DMD: variants seen among roughly 807,000 people sequenced by gnomAD.
DMD encodes the protein mutant dystrophin.
DMD carries 63 observed loss-of-function variants against 330.1 expected under a neutral mutation model. That is an observed-to-expected ratio of 0.19 (90% CI 0.16 to 0.24). DMD has a LOEUF of 0.24. Among genes scored for constraint, DMD ranks in the 10% least tolerant of loss-of-function variants. The probability of loss-of-function intolerance (pLI) is 1.00; values close to 1 mark genes in which losing one functional copy is unlikely to be tolerated. For synonymous variants in DMD, 1,223 were observed against 959.8 expected (o/e 1.27, Z -5.07); for missense variants, 3,344 against 2,684.1 (o/e 1.25, Z -5.43).
intron 59 of DMD, among the ~76,000 whole-genome samples, chrX:31,453,680 A>T (rs900707623): frequency 9.6e-6 from 1 of 104,690 alleles, no homozygotes; most frequent in African/African-American, 3.5e-5. Context: ...AAACTTGAAC[A>T]AATTTTATTA....
chrX:32,438,769 TG>T (rs1368967421), intron 28 of DMD, among the ~76,000 whole-genome samples: 2 of 111,896 alleles, frequency 1.8e-5, no homozygotes, highest in African/African-American at 6.5e-5. Flanking sequence ...AGAATCCTTT[TG>T]CCCTTCCTAC....
intron 48 of DMD, among the ~76,000 whole-genome samples, chrX:31,871,328 A>T (rs190626418): frequency 1.8e-5 from 2 of 111,212 alleles, no homozygotes; most frequent in East Asian, 2.8e-4. Context: ...AATTGCACAA[A>T]CCAAGCAATG....
At chrX:31,273,880 C>T (rs1395362553) in intron 62 of DMD, among the ~76,000 whole-genome samples, 1 of 111,726 alleles carries the variant, frequency 9.0e-6, no homozygotes, top group Admixed American at 9.5e-5. Context: ...TTTGTTAACT[C>T]ATCTATAGAA....
At chrX:31,993,008 G>C (rs1327942045) in intron 44 of DMD, among the ~76,000 whole-genome samples, 1 of 111,736 alleles carries the variant, frequency 8.9e-6, no homozygotes, top group Non-Finnish European at 1.9e-5. Flanking sequence ...AAGCAGAAGC[G>C]TGGTGGATTA....
At chrX:31,142,831 C>T (rs1183570590) in intron 76 of DMD, among the ~76,000 whole-genome samples, 3 of 111,953 alleles carry the variant, frequency 2.7e-5, no homozygotes, top group Non-Finnish European at 5.6e-5. Flanking sequence ...TTCATTAGCA[C>T]ATTGTCTCAG....
In DMD at chrX:32,329,714, T is replaced by C. The variant is rs771440178; in HGVS notation, c.5922+12386A>G. On this transcript the variant is annotated intron_variant, in intron 41 of 78. Transcript: ENST00000357033. Reference sequence around the variant, plus strand: ...ATAGATAACTGTATTTGTTAGGTAATTCATTTATTTTTCATCACCCAGATA... The same window carrying C: ...ATAGATAACTGTATTTGTTAGGTAACTCATTTATTTTTCATCACCCAGATA... Among the ~76,000 whole-genome samples the C allele has an allele frequency of 7.1e-5, 8 of 112,447 alleles. No homozygotes were observed. The East Asian group carries it at 2.2e-3, about 32-fold the overall frequency.
At chrX:33,184,108 T>TTAA (rs1183295833) in intron 1 of DMD, among the ~76,000 whole-genome samples, 1 of 111,659 alleles carries the variant, frequency 9.0e-6, no homozygotes, top group Admixed American at 9.5e-5. Context: ...ATCCAGAAGG[T>TTAA]TAATATGTCT....
chrX:31,602,001 A>G (rs1333710528), intron 55 of DMD, among the ~76,000 whole-genome samples: 1 of 111,756 alleles, frequency 8.9e-6, no homozygotes, highest in African/African-American at 3.2e-5. Flanking sequence ...CTAGGACCAT[A>G]TATAATAAAA....
At chrX:31,548,975 C>T (rs1402151394) in intron 55 of DMD, among the ~76,000 whole-genome samples, 2 of 109,651 alleles carry the variant, frequency 1.8e-5, no homozygotes, top group Admixed American at 9.8e-5. Flanking sequence ...TAAAAATATG[C>T]CAGTTAAATG....
At chrX:32,759,638 CAA>C (rs1388759301) in intron 7 of DMD, among the ~76,000 whole-genome samples, 2 of 111,788 alleles carry the variant, frequency 1.8e-5, no homozygotes, top group African/African-American at 6.5e-5. Context: ...CATCATTTCA[CAA>C]AGTGATTCTT....
intron 34 of DMD, among the ~76,000 whole-genome samples, chrX:32,372,256 C>A (rs2097881679): frequency 8.9e-6 from 1 of 111,974 alleles, no homozygotes; most frequent in East Asian, 2.8e-4. Flanking sequence ...ACAGATATTT[C>A]ATGAGTATGT....
At chrX:31,969,709 C>A (rs1216263862) in intron 44 of DMD, among the ~76,000 whole-genome samples, 1 of 111,436 alleles carries the variant, frequency 9.0e-6, no homozygotes, top group Non-Finnish European at 1.9e-5. Flanking sequence ...TACATTCAAG[C>A]AAAATTATTT....
chrX:31,131,764 T>C (rs2147745249), intron 77 of DMD, among the ~76,000 whole-genome samples: 1 of 111,694 alleles, frequency 9.0e-6, no homozygotes, highest in African/African-American at 3.2e-5. Context: ...GTGCTTTTAG[T>C]TGGAAAGAAA....
intron 2 of DMD, among the ~76,000 whole-genome samples, chrX:32,995,052 C>G (rs926813741): frequency 9.0e-6 from 1 of 111,673 alleles, no homozygotes; most frequent in African/African-American, 3.3e-5. Context: ...CTGCAATGAG[C>G]CGCAATGACT....
At chrX:32,538,645 A>C (rs2048214690) in intron 17 of DMD, among the ~76,000 whole-genome samples, 1 of 111,308 alleles carries the variant, frequency 9.0e-6, no homozygotes, top group Admixed American at 9.5e-5. Context: ...CAGACTGTAA[A>C]TGACAAGACA....
chrX:31,490,612 A>G (rs1322648417), intron 57 of DMD, among the ~76,000 whole-genome samples: 1 of 112,362 alleles, frequency 8.9e-6, no homozygotes. Context: ...GAATCACTCT[A>G]TCGCAACTTT....
At chrX:31,250,094 A>C (rs985131064) in intron 63 of DMD, among the ~76,000 whole-genome samples, 1 of 111,006 alleles carries the variant, frequency 9.0e-6, no homozygotes, top group Non-Finnish European at 1.9e-5. Context: ...ATTGCCTCCA[A>C]ACCTAAACTC....
intron 7 of DMD, among the ~76,000 whole-genome samples, chrX:32,785,361 A>T (rs1569521158): frequency 9.0e-6 from 1 of 111,288 alleles, no homozygotes; most frequent in Non-Finnish European, 1.9e-5. Context: ...TTTTCATTCC[A>T]TCTGCAAGAT....
intron 23 of DMD, among the ~76,000 whole-genome samples, chrX:32,467,667 TTATATGTATGTGTGTGTATATATATACA>T (rs887765618): frequency 1.9e-5 from 2 of 106,086 alleles, no homozygotes; most frequent in African/African-American, 7.1e-5. Context: ...TATATACATG[TTATATGTATGTGTGTGTATATATATACA>T]TATATATATG....
Sources: gnomAD v4.1 joint callset for allele counts (sites outside exome capture counted in the v4.1 genomes callset) on GRCh38, gnomAD v4.1.1 for gene constraint, MANE v1.5 for transcripts, NCBI Gene and HGNC (gene_info 2026-07-23, HGNC 2026-07-21) for gene names.